Variants in RIMKLB observed in about 807,000 individuals in gnomAD.
The protein encoded by RIMKLB is ribosomal modification protein rimK like family member B, also known as beta-citrylglutamate synthase B.
Under a neutral mutation model 32.0 loss-of-function variants are expected in RIMKLB, and 7 were observed. That is an observed-to-expected ratio of 0.22 (90% CI 0.12 to 0.41). The LOEUF is 0.41. Ranked by LOEUF, RIMKLB falls within the 10% of genes least tolerant of loss-of-function variation. The probability of loss-of-function intolerance (pLI) is 1.00; values close to 1 mark genes in which losing one functional copy is unlikely to be tolerated. For missense variants in RIMKLB, 289 were observed against 498.7 expected (o/e 0.58, Z 4.00); for synonymous variants, 172 against 185.1 (o/e 0.93, Z 0.57).
chr12:8,713,368 T>C (rs1404652516), intron 1 of RIMKLB, among the ~76,000 whole-genome samples: 1 of 152,104 alleles, frequency 6.6e-6, no homozygotes, highest in Non-Finnish European at 1.5e-5. Flanking sequence ...TAACCACAGA[T>C]ACAAAAATAT....
intron 1 of RIMKLB, among the ~76,000 whole-genome samples, chr12:8,686,814 G>A (rs949968138): frequency 6.6e-6 from 1 of 152,110 alleles, no homozygotes; most frequent in Non-Finnish European, 1.5e-5. Context: ...ATGCTATATA[G>A]ACAGCTGCAT....
chr12:8,712,896 A>T (rs988072369), intron 1 of RIMKLB, among the ~76,000 whole-genome samples: 1 of 152,072 alleles, frequency 6.6e-6, no homozygotes, highest in Admixed American at 6.5e-5. Flanking sequence ...TACTTGAATG[A>T]TACTTGACAT....
At chr12:8,725,910 C>T (rs1057079919) in intron 2 of RIMKLB, among the ~76,000 whole-genome samples, 2 of 152,152 alleles carry the variant, frequency 1.3e-5, no homozygotes, top group East Asian at 1.9e-4. Context: ...TGCAGTGGTG[C>T]GATCTTGGTT....
In RIMKLB at chr12:8,774,061, T is replaced by C. The variant is rs1950589457; in HGVS notation, c.*277T>C. ...TTAAATTGCTAAAAAATGTGTATGCTCATAGGCCATGAGGAACAAATACTT... is the reference window on the plus strand; with the variant it reads ...TTAAATTGCTAAAAAATGTGTATGCCCATAGGCCATGAGGAACAAATACTT... On this transcript the variant is annotated 3_prime_UTR_variant, in exon 6 of 6. Transcript: ENST00000535829. 8.5e-7 allele frequency: 1 copy of C among 1,183,384 alleles called. No homozygotes were observed. Among genetic ancestry groups the C allele is most frequent in the Non-Finnish European group, 1.0e-6 (1 of 954,532 alleles). The allele number at this position is 1,183,384 out of a possible 1,614,324, so 73.3% of individuals were successfully genotyped here.
rs2136636462 is a variant in RIMKLB at position 8,698,290 on chromosome 12, C to T, written c.-64C>T. The T allele has an allele frequency of 2.9e-6, 1 of 349,732 alleles. No individual in the cohort carries two copies. Among genetic ancestry groups the T allele is most frequent in the East Asian group, 1.5e-4 (1 of 6,586 alleles). 21.7% of individuals were successfully genotyped at this position (349,732 alleles called of 1,614,324 possible). On this transcript the variant is annotated 5_prime_UTR_variant, in exon 1 of 6. Transcript: ENST00000535829. ...GGCCGAGAGCGAGGGAGGAGCCCCC[C>T]GACCCAGGTGAGCGGTACGACCGCT...
chr12:8,722,337 GGTGCATCATCA>G (rs1284579959), intron 2 of RIMKLB, among the ~76,000 whole-genome samples: 1 of 152,046 alleles, frequency 6.6e-6, no homozygotes, highest in African/African-American at 2.4e-5. Flanking sequence ...TGGGTGACCA[GGTGCATCATCA>G]GTGAGTAGTA....
intron 5 of RIMKLB, among the ~76,000 whole-genome samples, chr12:8,755,818 G>GTTTTT (rs1948977577): frequency 6.6e-6 from 1 of 152,078 alleles, no homozygotes; most frequent in Non-Finnish European, 1.5e-5. Context: ...AAACCAGCCT[G>GTTTTT]GGCAATCGAG....
At chr12:8,702,433 A>G (rs775398120) in intron 1 of RIMKLB, among the ~76,000 whole-genome samples, 2 of 152,222 alleles carry the variant, frequency 1.3e-5, no homozygotes, top group Non-Finnish European at 2.9e-5. Context: ...GTTGTGACAA[A>G]ACAGATTCAA....
In RIMKLB at chr12:8,774,816, A is replaced by G; in HGVS notation, c.*1032A>G. ...CTATGAGTTCTAAGTATAAAGCTGA[A>G]GTGATTTCGAATGCCAGCGTTATAT... is the stretch of plus-strand genomic sequence containing the variant. On this transcript the variant is annotated 3_prime_UTR_variant, in exon 6 of 6. Coordinates refer to ENST00000535829, the MANE Select transcript of RIMKLB (RefSeq NM_001297776.2). The G allele has an allele frequency of 1.0e-6, 1 of 985,596 alleles. No homozygotes were observed. Among genetic ancestry groups the G allele is most frequent in the South Asian group, 4.7e-5 (1 of 21,274 alleles). 61.1% of individuals were successfully genotyped at this position (985,596 alleles called of 1,614,324 possible). A position where few individuals can be genotyped will look rare whatever the true frequency, so the allele number is the denominator to read the frequency against.
At position 8,775,871 on chromosome 12, in the gene RIMKLB, G is replaced by A; in HGVS notation, c.*2087G>A. 1 of 985,138 alleles carries A rather than the reference G, an allele frequency of 1.0e-6. No individual in the cohort carries two copies. Among genetic ancestry groups the A allele is most frequent in the Non-Finnish European group, 1.2e-6 (1 of 829,700 alleles). 61.0% of individuals were successfully genotyped at this position (985,138 alleles called of 1,614,324 possible). A position where few individuals can be genotyped will look rare whatever the true frequency, so the allele number is the denominator to read the frequency against. On this transcript the variant is annotated 3_prime_UTR_variant, in exon 6 of 6. Coordinates refer to ENST00000535829, the MANE Select transcript of RIMKLB (RefSeq NM_001297776.2). ...TTTAAAAGAACTTATCTTGCGCAGG[G>A]TAAATGGGGGACTCACATACATATA...
intron 2 of RIMKLB, among the ~76,000 whole-genome samples, chr12:8,715,228 C>CCTTTTT (rs1445737752): frequency 2.4e-5 from 3 of 123,762 alleles, no homozygotes; most frequent in Admixed American, 8.0e-5. Flanking sequence ...TGCTCTTGTT[C>CCTTTTT]TTTTTTTTTT....
At chr12:8,760,486 A>G (rs181218921) in intron 5 of RIMKLB, among the ~76,000 whole-genome samples, 205 of 152,286 alleles carry the variant, frequency 1.3e-3, no homozygotes, top group Non-Finnish European at 2.4e-3. Context: ...GTCAAATGGT[A>G]TTTCTAGTTA....
intron 2 of RIMKLB, among the ~76,000 whole-genome samples, chr12:8,730,798 G>A (rs1946466887): frequency 1.3e-5 from 2 of 152,028 alleles, no homozygotes; most frequent in South Asian, 4.1e-4. Context: ...GGAGTGCAGT[G>A]GCGTGGTCTC....
intron 2 of RIMKLB, among the ~76,000 whole-genome samples, chr12:8,748,622 A>AT (rs747952130): frequency 0.02 from 2,752 of 138,172 alleles, 84 homozygotes; most frequent in African/African-American, 0.066. Context: ...TATATATATA[A>AT]TTTTTTTTTT....
chr12:8,686,481 G>T (rs1424744722), intron 1 of RIMKLB, among the ~76,000 whole-genome samples: 1 of 150,634 alleles, frequency 6.6e-6, no homozygotes, highest in Non-Finnish European at 1.5e-5. Flanking sequence ...TTTTATTCAG[G>T]GTTTTCTTTC....
chr12:8,778,580 GACT>G (rs1428678399), downstream of RIMKLB, among the ~76,000 whole-genome samples: 1 of 152,148 alleles, frequency 6.6e-6, no homozygotes, highest in Non-Finnish European at 1.5e-5. Context: ...TCAGGGATAG[GACT>G]ACAACTCGTC....
intron 2 of RIMKLB, among the ~76,000 whole-genome samples, chr12:8,739,201 A>T (rs1168051631): frequency 6.6e-6 from 1 of 152,144 alleles, no homozygotes; most frequent in African/African-American, 2.4e-5. Flanking sequence ...GGTAAGTTCG[A>T]TATCAAGGTA....
chr12:8,731,979 C>T (rs1260019751), intron 2 of RIMKLB, among the ~76,000 whole-genome samples: 1 of 151,908 alleles, frequency 6.6e-6, no homozygotes, highest in Non-Finnish European at 1.5e-5. Flanking sequence ...ACTTTGCAGG[C>T]TTATTTTAGA....
At chr12:8,770,775 G>A (rs754205956) in intron 5 of RIMKLB, among the ~76,000 whole-genome samples, 36 of 152,276 alleles carry the variant, frequency 2.4e-4, no homozygotes, top group Admixed American at 1.1e-3. Flanking sequence ...TCAGTCACCA[G>A]GAGTCACCAA....
Sources: allele counts gnomAD v4.1 joint callset (sites outside exome capture counted in the v4.1 genomes callset), GRCh38; gene constraint gnomAD v4.1.1; transcripts MANE v1.5; gene names NCBI Gene and HGNC (gene_info 2026-07-23, HGNC 2026-07-21).